STK39: variants seen among roughly 807,000 people sequenced by gnomAD.
STK39 encodes serine/threonine kinase 39.
In STK39, 20 loss-of-function variants were observed where a neutral mutation model predicts 77.8. The ratio of observed to expected loss-of-function variants is 0.26; its 90% CI spans 0.18 to 0.37. The LOEUF (loss-of-function observed/expected upper bound fraction) is 0.37. Ranked by LOEUF, STK39 falls within the 10% of genes least tolerant of loss-of-function variation. The pLI is 1.00. For missense variants in STK39, 479 were observed against 656.5 expected (o/e 0.73, Z 2.95); for synonymous variants, 246 against 234.1 (o/e 1.05, Z -0.47).
At chr2:168,164,980 C>G (rs1014290092) in intron 3 of STK39, among the ~76,000 whole-genome samples, 1 of 152,038 alleles carries the variant, frequency 6.6e-6, no homozygotes, top group African/African-American at 2.4e-5. Flanking sequence ...GATTGAGCTT[C>G]CCCATCAGAT....
rs1348850391 is a variant in STK39 at position 168,039,417 on chromosome 2, C to T, written c.1377-22322G>A. ...ACCATCCTGGCTAACAAGGTGAAAC[C>T]CCGTCTCTACTAAAAATACAAAAAA... On this transcript the variant is annotated intron_variant, in intron 14 of 17. Coordinates refer to ENST00000355999, the MANE Select transcript of STK39 (RefSeq NM_013233.3). 5.7e-5 allele frequency among the ~76,000 whole-genome samples: 2 copies of T among 35,002 alleles called. 1 individual carries two copies. The highest frequency in any genetic ancestry group is 1.7e-4 in the Non-Finnish European group (2 of 11,962). 23.0% of individuals were successfully genotyped at this position (35,002 alleles called of 152,430 possible). A position where few individuals can be genotyped will look rare whatever the true frequency, so the allele number is the denominator to read the frequency against.
Position 168,002,096 on chromosome 2 carries a change from T to C in STK39, c.1498+10538A>G, listed in dbSNP as rs114049659. On this transcript the variant is annotated intron_variant, in intron 16 of 17. Transcript: ENST00000355999. ...CAAGACTCTACTGACTTAGTAGATA[T>C]CTACAACTAATCCACTGGCAAGCTC... 1.9e-3 allele frequency among the ~76,000 whole-genome samples: 282 copies of C among 152,370 alleles called. 2 individuals carry two copies. Among genetic ancestry groups the C allele is most frequent in the African/African-American group, 6.1e-3 (252 of 41,596 alleles).
chr2:168,108,259 G>A (rs1028976506), intron 10 of STK39, among the ~76,000 whole-genome samples: 1 of 152,110 alleles, frequency 6.6e-6, no homozygotes, highest in Non-Finnish European at 1.5e-5. Flanking sequence ...TCTCACTGCA[G>A]GCAAGAAACA....
rs182552200 is a variant in STK39, at chr2:168,017,496, G to A, written c.1377-401C>T. Among the ~76,000 whole-genome samples, 411 of 148,236 alleles carry A rather than the reference G, an allele frequency of 2.8e-3. 2 individuals carry two copies. Among genetic ancestry groups the A allele is most frequent in the African/African-American group, 9.7e-3 (385 of 39,774 alleles). ...AGCTATTCTCCTGTCTCAGCCTCCT[G>A]AGTAGCTGGAATTACAGGCATGTGC... On this transcript the variant is annotated intron_variant, in intron 14 of 17. Transcript: ENST00000355999.
intron 16 of STK39, among the ~76,000 whole-genome samples, chr2:167,979,332 T>A (rs1264486337): frequency 1.3e-5 from 2 of 152,226 alleles, no homozygotes. Context: ...ACTTACAAAC[T>A]TGCTAACACT....
chr2:168,014,618 C>A (rs1684360761), intron 15 of STK39, among the ~76,000 whole-genome samples: 1 of 152,156 alleles, frequency 6.6e-6, no homozygotes, highest in African/African-American at 2.4e-5. Flanking sequence ...AACATTCAGT[C>A]TCATAACTGG....
intron 14 of STK39, among the ~76,000 whole-genome samples, chr2:168,018,524 GAAAGAAAAGAAAGA>G (rs1221703167): frequency 0.019 from 1,724 of 88,564 alleles, 7 homozygotes; most frequent in African/African-American, 0.039. Flanking sequence ...AGAAAGAAAA[GAAAGAAAAGAAAGA>G]AAAGAAAGAA....
chr2:168,023,378 A>G (rs1684616807), intron 14 of STK39, among the ~76,000 whole-genome samples: 2 of 152,162 alleles, frequency 1.3e-5, no homozygotes, highest in Non-Finnish European at 2.9e-5. Context: ...ACAACGAACA[A>G]TCAAACGAGG....
At chr2:168,062,196 G>A (rs1685682917) in intron 14 of STK39, among the ~76,000 whole-genome samples, 1 of 152,180 alleles carries the variant, frequency 6.6e-6, no homozygotes, top group African/African-American at 2.4e-5. Flanking sequence ...TAAAACCTTG[G>A]TAGTCTTGCT....
chr2:168,147,031 G>A (rs745778497), intron 5 of STK39, among the ~76,000 whole-genome samples: 3 of 152,128 alleles, frequency 2.0e-5, no homozygotes, highest in Non-Finnish European at 2.9e-5. Flanking sequence ...CTCCTCTTCC[G>A]GAAAGTTCAG....
intron 2 of STK39, among the ~76,000 whole-genome samples, chr2:168,174,521 A>G (rs1315938880): frequency 2.0e-5 from 3 of 152,144 alleles, no homozygotes; most frequent in African/African-American, 7.2e-5. Flanking sequence ...GGAAGATGCC[A>G]TTTTCTTTTA....
chr2:168,175,309 T>G (rs969510640), intron 2 of STK39, among the ~76,000 whole-genome samples: 23 of 152,276 alleles, frequency 1.5e-4, no homozygotes, highest in African/African-American at 5.5e-4. Flanking sequence ...TCTGGGCATG[T>G]TTTCCCCATT....
At chr2:167,991,427 G>C (rs1683697793) in intron 16 of STK39, among the ~76,000 whole-genome samples, 1 of 152,174 alleles carries the variant, frequency 6.6e-6, no homozygotes, top group Admixed American at 6.5e-5. Flanking sequence ...GCTGTAAAAT[G>C]AATTTATCTG....
intron 1 of STK39, among the ~76,000 whole-genome samples, chr2:168,204,056 A>C (rs563844067): frequency 7.2e-5 from 11 of 152,368 alleles, no homozygotes; most frequent in African/African-American, 2.6e-4. Context: ...TAAGGTTTGA[A>C]GAATGGATAT....
At chr2:168,081,748 G>A (rs1400224982) in intron 10 of STK39, among the ~76,000 whole-genome samples, 1 of 152,170 alleles carries the variant, frequency 6.6e-6, no homozygotes, top group Non-Finnish European at 1.5e-5. Context: ...GAGGAACCCG[G>A]TGGGAGGTAA....
intron 10 of STK39, among the ~76,000 whole-genome samples, chr2:168,096,444 T>C (rs1226044056): frequency 6.6e-6 from 1 of 152,218 alleles, no homozygotes; most frequent in African/African-American, 2.4e-5. Flanking sequence ...TGAGATCATG[T>C]GGGTGAAACA....
At chr2:168,002,647 C>T (rs1684030284) in intron 16 of STK39, among the ~76,000 whole-genome samples, 1 of 152,194 alleles carries the variant, frequency 6.6e-6, no homozygotes, top group African/African-American at 2.4e-5. Flanking sequence ...GGAGTATGGG[C>T]ACTCTCTTGT....
At chr2:168,204,824 A>G (rs968197372) in intron 1 of STK39, among the ~76,000 whole-genome samples, 1 of 152,188 alleles carries the variant, frequency 6.6e-6, no homozygotes, top group Non-Finnish European at 1.5e-5. Flanking sequence ...TCCAAGGCAA[A>G]TTTTAAATCC....
At chr2:168,178,072 G>A (rs1287970725) in intron 2 of STK39, among the ~76,000 whole-genome samples, 1 of 152,184 alleles carries the variant, frequency 6.6e-6, no homozygotes, top group Admixed American at 6.5e-5. Flanking sequence ...ATCTAAGGGG[G>A]TTTGATAATT....
Sources: gnomAD v4.1 joint callset for allele counts (sites outside exome capture counted in the v4.1 genomes callset) on GRCh38, gnomAD v4.1.1 for gene constraint, MANE v1.5 for transcripts, NCBI Gene and HGNC (gene_info 2026-07-23, HGNC 2026-07-21) for gene names.